GPX8: variants seen among roughly 807,000 people sequenced by gnomAD.
GPX8 encodes the protein glutathione peroxidase 8 (putative).
GPX8 carries 12 observed loss-of-function variants against 17.8 expected under a neutral mutation model. The ratio of observed to expected loss-of-function variants is 0.67; its 90% CI spans 0.43 to 1.09. The LOEUF (loss-of-function observed/expected upper bound fraction) is 1.09, where lower values mean the gene tolerates loss of function less well. Among genes scored for constraint, GPX8 ranks in the 50% least tolerant of loss-of-function variants. The pLI is 0.00. For missense variants in GPX8, 209 were observed against 235.6 expected, an observed-to-expected ratio of 0.89 and a Z score of 0.74; for synonymous variants, 86 against 88.1, an observed-to-expected ratio of 0.98 and a Z score of 0.14.
At position 55,164,105 on chromosome 5, in the gene GPX8, C is replaced by G. The variant is rs1314591448; in HGVS notation, c.517C>G (p.Pro173Ala). 4 of 1,602,338 alleles carry G rather than the reference C, an allele frequency of 2.5e-6. No homozygotes were observed. Among genetic ancestry groups the G allele is most frequent in the East Asian group, 2.2e-5 (1 of 44,726 alleles). The change falls in exon 3 of 3, where the codon CCT (proline) becomes GCT (alanine). Residue 173 changes from proline to alanine, a missense_variant. Pro to Ala is a conservative substitution (Grantham distance 27, BLOSUM62 -1). Coordinates refer to ENST00000503787, the MANE Select transcript of GPX8 (RefSeq NM_001008397.4). ...RWNFWKYLVN[P>A]EGQVVKFWKP... Reference sequence around the variant, plus strand: ...GAATTTTTGGAAGTATCTTGTCAACCCTGAGGGTCAAGTTGTGAAGTTCTG... The same window carrying G: ...GAATTTTTGGAAGTATCTTGTCAACGCTGAGGGTCAAGTTGTGAAGTTCTG...
rs544565405 is a variant in GPX8, at chr5:55,164,414, G to A, written c.*196G>A. 2 of 364,226 alleles carry A rather than the reference G, an allele frequency of 5.5e-6. No homozygotes were observed. Among genetic ancestry groups the A allele is most frequent in the African/African-American group, 2.1e-5 (1 of 47,884 alleles). The allele number at this position is 364,226 out of a possible 1,614,324, so 22.6% of individuals were successfully genotyped here. A position where few individuals can be genotyped will look rare whatever the true frequency, so the allele number is the denominator to read the frequency against. Reference sequence around the variant, plus strand: ...TGGCAATGAAGGATTTTTTTTTAATGTTATCTTGCTATTAAGTGGTAATGA... The same window carrying A: ...TGGCAATGAAGGATTTTTTTTTAATATTATCTTGCTATTAAGTGGTAATGA... On this transcript the variant is annotated 3_prime_UTR_variant, in exon 3 of 3. Coordinates refer to ENST00000503787, the MANE Select transcript of GPX8 (RefSeq NM_001008397.4).
Position 55,166,652 on chromosome 5 carries a change from T to C in GPX8, c.*2434T>C, listed in dbSNP as rs35686230. The stretch of plus-strand genomic sequence containing the variant: ...TGAATCTTTCCTATATTGGACAATC[T>C]TCCTTCAGTCTTGTTTCTGCATCAA... On this transcript the variant is annotated 3_prime_UTR_variant, in exon 3 of 3. Transcript: ENST00000503787. 0.019 allele frequency: 2,948 copies of C among 152,284 alleles called. 153 individuals are homozygous for C. Among genetic ancestry groups the C allele is most frequent in the Admixed American group, 0.11 (1,722 of 15,290 alleles). The allele number at this position is 152,284 out of a possible 1,614,324, so 9.4% of individuals were successfully genotyped here. A position where few individuals can be genotyped will look rare whatever the true frequency, so the allele number is the denominator to read the frequency against.
chr5:55,160,968 G>T, intron 1 of GPX8, 26 bp from the exon 2 acceptor site: 1 of 1,583,868 alleles, frequency 6.3e-7, no homozygotes, highest in South Asian at 1.2e-5. Context: ...TCACTTTCCG[G>T]TTGGATTTTT....
chr5:55,164,195 A>G lies in GPX8; in HGVS notation c.607A>G (p.Ile203Val). 6.4e-7 allele frequency: 1 copy of G among 1,558,184 alleles called. No individual in the cohort carries two copies. The highest frequency in any genetic ancestry group is 8.7e-7 in the Non-Finnish European group (1 of 1,147,020). Residue 203 changes from isoleucine (I) to valine (V), a missense_variant, in exon 3 of 3, where the codon ATA becomes GTA. Transcript: ENST00000503787. ...AGCAGCTCTGGTTAGACAAGTGATC[A>G]TAAAAAAGAAAGAGGATCTATGAGA... The part of the protein sequence containing the change: ...DIAALVRQVI[I>V]KKKEDL
At position 55,160,206 on chromosome 5, in the gene GPX8, C is replaced by T. The variant is rs961396571; in HGVS notation, c.14C>T (p.Ala5Val). The change falls in exon 1 of 3, where the codon GCA becomes GTA. Residue 5 changes from alanine to valine, a missense_variant. Coordinates refer to ENST00000503787, the MANE Select transcript of GPX8 (RefSeq NM_001008397.4). Reference protein sequence around the residue: MEPLAAYPLKCSGPR... With the variant: MEPLVAYPLKCSGPR... Reference sequence around the variant, plus strand: ...GAATCCTCCAACATGGAGCCTCTTGCAGCTTACCCGCTAAAATGTTCCGGG... The same window carrying T: ...GAATCCTCCAACATGGAGCCTCTTGTAGCTTACCCGCTAAAATGTTCCGGG... The T allele has an allele frequency of 6.2e-7, 1 of 1,613,690 alleles. No individual in the cohort carries two copies. The highest frequency in any genetic ancestry group is 1.7e-5 in the Admixed American group (1 of 59,994).
At chr5:55,161,907 C>G (rs1236090448) in intron 2 of GPX8, among the ~76,000 whole-genome samples, 3 of 152,072 alleles carry the variant, frequency 2.0e-5, no homozygotes, top group Non-Finnish European at 4.4e-5. Context: ...GGGTTCAAAC[C>G]CCTGCTCTTT....
At chr5:55,161,989 C>T (rs542086825) in intron 2 of GPX8, among the ~76,000 whole-genome samples, 12 of 151,432 alleles carry the variant, frequency 7.9e-5, no homozygotes, top group Non-Finnish European at 1.6e-4. Flanking sequence ...TCAATAGTAC[C>T]GCCTTCTTAA....
Position 55,161,029 on chromosome 5 carries a change from A to G in GPX8, c.240A>G (p.Gln80=), listed in dbSNP as rs1561302839. Residue 80 remains glutamine, a synonymous_variant, in exon 2 of 3, where the codon CAA becomes CAG. Transcript: ENST00000503787. The part of the protein sequence containing the change: ...SLVVNVASDC[Q]LTDRNYLGLK... ...TTGTAAACGTGGCCAGTGACTGCCAACTCACAGACAGAAATTACTTAGGGC... is the reference window on the plus strand; with the variant it reads ...TTGTAAACGTGGCCAGTGACTGCCAGCTCACAGACAGAAATTACTTAGGGC... The G allele has an allele frequency of 6.2e-7, 1 of 1,613,974 alleles. No homozygotes were observed. The highest frequency in any genetic ancestry group is 2.2e-5 in the East Asian group (1 of 44,858).
At position 55,162,878 on chromosome 5, in the gene GPX8, A is replaced by C. The variant is rs528990911; in HGVS notation, c.467-1177A>C. Among the ~76,000 whole-genome samples the C allele has an allele frequency of 1.1e-4, 17 of 152,320 alleles. 1 individual carries two copies. Among genetic ancestry groups the C allele is most frequent in the African/African-American group, 4.1e-4 (17 of 41,578 alleles). ...GTGTCATTCCACTTAGATAGGAAGGATCATAGAGCCCAAAGGTTAAGAGCA... is the reference window on the plus strand; with the variant it reads ...GTGTCATTCCACTTAGATAGGAAGGCTCATAGAGCCCAAAGGTTAAGAGCA... On this transcript the variant is annotated intron_variant, in intron 2 of 2. Coordinates refer to ENST00000503787, the MANE Select transcript of GPX8 (RefSeq NM_001008397.4).
intron 1 of GPX8, 108 bp from the exon 2 acceptor site, chr5:55,160,886 A>G: frequency 8.7e-7 from 1 of 1,150,900 alleles, no homozygotes; most frequent in Non-Finnish European, 1.2e-6. Flanking sequence ...AAAAACATCA[A>G]TCAGAGGTTA....
intron 2 of GPX8, among the ~76,000 whole-genome samples, chr5:55,163,301 C>G (rs1744188657): frequency 6.6e-6 from 1 of 152,012 alleles, no homozygotes; most frequent in Admixed American, 6.5e-5. Context: ...AGGAGGATCA[C>G]TTTAGTGCCC....
chr5:55,164,027 T>G (rs755605716), intron 2 of GPX8, 28 bp from the exon 3 acceptor site: 1 of 1,482,736 alleles, frequency 6.7e-7, no homozygotes, highest in African/African-American at 1.4e-5. Context: ...AAAATTATGC[T>G]CATGAAAATA....
At chr5:55,161,779 G>A (rs922318149) in intron 2 of GPX8, among the ~76,000 whole-genome samples, 2 of 152,180 alleles carry the variant, frequency 1.3e-5, no homozygotes, top group African/African-American at 4.8e-5. Flanking sequence ...GGGCAGTAGT[G>A]TTAGGCTATT....
In GPX8 at chr5:55,164,164, T is replaced by A. The variant is rs763243171; in HGVS notation, c.576T>A (p.Pro192=). The A allele has an allele frequency of 1.9e-6, 3 of 1,597,506 alleles. No individual in the cohort carries two copies. The highest frequency in any genetic ancestry group is 2.6e-6 in the Non-Finnish European group (3 of 1,168,944). The change falls in exon 3 of 3, where the codon CCT becomes CCA. Residue 192 remains proline, a synonymous_variant. Transcript: ENST00000503787. ...KPEEPIEVIR[P]DIAALVRQVI... ...AGGAGCCCATTGAAGTCATCAGGCC[T>A]GACATAGCAGCTCTGGTTAGACAAG...
Position 55,161,059 on chromosome 5 carries a change from G to A in GPX8, c.270G>A (p.Lys90=). 1.9e-6 allele frequency: 3 copies of A among 1,614,152 alleles called. No homozygotes were observed. The highest frequency in any genetic ancestry group is 2.5e-6 in the Non-Finnish European group (3 of 1,180,022). The part of the protein sequence containing the change: ...QLTDRNYLGL[K]ELHKEFGPSH... ...CAGACAGAAATTACTTAGGGCTGAAGGAACTGCACAAAGAGTTTGGACCAT... is the reference window on the plus strand; with the variant it reads ...CAGACAGAAATTACTTAGGGCTGAAAGAACTGCACAAAGAGTTTGGACCAT... Residue 90 remains lysine (K), a synonymous_variant, in exon 2 of 3, where the codon AAG becomes AAA. Transcript: ENST00000503787.
At chr5:55,163,376 A>C (rs954782743) in intron 2 of GPX8, among the ~76,000 whole-genome samples, 1 of 152,036 alleles carries the variant, frequency 6.6e-6, no homozygotes, top group Non-Finnish European at 1.5e-5. Flanking sequence ...ATTGCTTTTC[A>C]AAATAAGGTG....
rs1040729995 is a variant in GPX8 at position 55,166,408 on chromosome 5, C to T, written c.*2190C>T. On this transcript the variant is annotated 3_prime_UTR_variant, in exon 3 of 3. Transcript: ENST00000503787. ...ACTCTATGTCAGTGCTGGATTTTCT[C>T]CCCTTGCCCTTTAGGTAAGCAGAGT... 6.6e-6 allele frequency: 1 copy of T among 152,216 alleles called. No homozygotes were observed. The highest frequency in any genetic ancestry group is 1.5e-5 in the Non-Finnish European group (1 of 68,056). The allele number at this position is 152,216 out of a possible 1,614,324, so 9.4% of individuals were successfully genotyped here.
intron 2 of GPX8, among the ~76,000 whole-genome samples, chr5:55,161,899 G>A (rs1207550528): frequency 2.0e-5 from 3 of 152,116 alleles, no homozygotes; most frequent in African/African-American, 7.2e-5. Context: ...AGCTACCTGG[G>A]TTCAAACCCC....
intron 1 of GPX8, 124 bp from the exon 2 acceptor site, chr5:55,160,870 T>C: frequency 1.9e-6 from 2 of 1,057,860 alleles, no homozygotes; most frequent in South Asian, 1.7e-5. Flanking sequence ...TGTCCAAAAA[T>C]ATGAAAAAAA....
Sources: gnomAD v4.1 joint callset for allele counts (sites outside exome capture counted in the v4.1 genomes callset) on GRCh38, gnomAD v4.1.1 for gene constraint, MANE v1.5 for transcripts, NCBI Gene and HGNC (gene_info 2026-07-23, HGNC 2026-07-21) for gene names.